SLC22A4: variants seen among roughly 807,000 people sequenced by gnomAD.
SLC22A4 encodes the protein ET transporter.
SLC22A4 carries 39 observed loss-of-function variants against 56.6 expected under a neutral mutation model. The ratio of observed to expected loss-of-function variants is 0.69; its 90% CI spans 0.53 to 0.90. The LOEUF is 0.90. SLC22A4 is among the 40% of genes least tolerant of loss of function. SLC22A4 has a pLI of 0.00. For missense variants in SLC22A4, 594 were observed against 696.5 expected, an observed-to-expected ratio of 0.85 and a Z score of 1.66; for synonymous variants, 241 against 281.4, an observed-to-expected ratio of 0.86 and a Z score of 1.44.
chr5:132,308,441 C>T (rs1308050142), intron 1 of SLC22A4, among the ~76,000 whole-genome samples: 1 of 101,556 alleles, frequency 9.8e-6, no homozygotes, highest in Non-Finnish European at 1.8e-5. Flanking sequence ...GGGCTGGTTG[C>T]TTTATTGCTC....
chr5:132,310,860 G>C (rs1013142313), intron 1 of SLC22A4, among the ~76,000 whole-genome samples: 1 of 152,200 alleles, frequency 6.6e-6, no homozygotes, highest in African/African-American at 2.4e-5. Context: ...TGAGAGCTGA[G>C]CTGCTGGGAT....
chr5:132,332,383 TC>T (rs1554083665), intron 6 of SLC22A4: 2 of 158,036 alleles, frequency 1.3e-5, no homozygotes, highest in Non-Finnish European at 2.8e-5. Flanking sequence ...AGCATTCCCT[TC>T]CCCCTCCTAA....
intron 1 of SLC22A4, among the ~76,000 whole-genome samples, chr5:132,297,396 CAGGGTA>C (rs1380249182): frequency 7.9e-5 from 12 of 152,028 alleles, no homozygotes; most frequent in Admixed American, 7.9e-4. Flanking sequence ...AAGCAAGTAC[CAGGGTA>C]AGCAGGATGG....
At chr5:132,295,276 G>T (rs1056244310) in intron 1 of SLC22A4, 1 of 686,838 alleles carries the variant, frequency 1.5e-6, no homozygotes, top group African/African-American at 1.8e-5. Context: ...CACAACAAAT[G>T]AAGTTTCCTA....
At chr5:132,342,668 TTTGA>T (rs1425983192) in intron 9 of SLC22A4, among the ~76,000 whole-genome samples, 3 of 152,166 alleles carry the variant, frequency 2.0e-5, no homozygotes, top group African/African-American at 2.4e-5. Flanking sequence ...CCTCCTTGGG[TTTGA>T]TTATTTGCTA....
chr5:132,328,903 G>GTGTATATA (rs1180080096), intron 5 of SLC22A4, among the ~76,000 whole-genome samples: 110 of 96,364 alleles, frequency 1.1e-3, no homozygotes, highest in African/African-American at 5.1e-3. Flanking sequence ...GTGTGTATGT[G>GTGTATATA]TATATATATA....
Position 132,308,949 on chromosome 5 carries a change from G to A in SLC22A4, c.394-3212G>A, listed in dbSNP as rs148500756. 7.1e-3 allele frequency among the ~76,000 whole-genome samples: 1,086 copies of A among 152,328 alleles called. 17 individuals carry two copies. Among genetic ancestry groups the A allele is most frequent in the African/African-American group, 0.025 (1,050 of 41,580 alleles). On this transcript the variant is annotated intron_variant, in intron 1 of 9. Transcript: ENST00000200652. ...CATGTGTATGTATGTGTGTGTGCAT[G>A]TATGTACAAACATGTGCAGGGACCC...
intron 6 of SLC22A4, chr5:132,332,243 G>A (rs946945598): frequency 6.8e-6 from 2 of 294,034 alleles, no homozygotes; most frequent in African/African-American, 2.2e-5. Context: ...GAACCCAGGA[G>A]GTGGAGGTTC....
intron 4 of SLC22A4, among the ~76,000 whole-genome samples, chr5:132,323,607 T>C (rs1750603141): frequency 6.6e-6 from 1 of 152,212 alleles, no homozygotes; most frequent in South Asian, 2.1e-4. Flanking sequence ...GAGCAGTGAA[T>C]AAGGGCTGGC....
chr5:132,316,737 C>T (rs958444280), intron 3 of SLC22A4, among the ~76,000 whole-genome samples: 1 of 152,174 alleles, frequency 6.6e-6, no homozygotes, highest in African/African-American at 2.4e-5. Flanking sequence ...ACAACTCTGG[C>T]TACCAGGAAG....
intron 1 of SLC22A4, among the ~76,000 whole-genome samples, chr5:132,305,433 G>A (rs1023791781): frequency 4.6e-5 from 7 of 152,056 alleles, no homozygotes; most frequent in Admixed American, 4.6e-4. Context: ...CCTTTCAGAA[G>A]CTCAACAAAC....
At chr5:132,310,917 T>C (rs1750164324) in intron 1 of SLC22A4, among the ~76,000 whole-genome samples, 1 of 152,196 alleles carries the variant, frequency 6.6e-6, no homozygotes, top group Non-Finnish European at 1.5e-5. Flanking sequence ...GGCAGGCCCG[T>C]GGACAGGATA....
At chr5:132,301,070 G>A (rs1490219582) in intron 1 of SLC22A4, among the ~76,000 whole-genome samples, 3 of 152,360 alleles carry the variant, frequency 2.0e-5, no homozygotes, top group African/African-American at 7.2e-5. Context: ...AGCAGGAAGG[G>A]CAACAAATGC....
At chr5:132,320,604 CCAGGTT>C (rs1178942401) in intron 3 of SLC22A4, among the ~76,000 whole-genome samples, 1 of 152,112 alleles carries the variant, frequency 6.6e-6, no homozygotes, top group Non-Finnish European at 1.5e-5. Flanking sequence ...TTCTATCAGT[CCAGGTT>C]TTTAAATGGC....
intron 1 of SLC22A4, among the ~76,000 whole-genome samples, chr5:132,307,944 G>A (rs183650773): frequency 4.8e-4 from 73 of 152,312 alleles, no homozygotes; most frequent in African/African-American, 1.3e-3. Context: ...AGTGCAATGC[G>A]TGATACTCCT....
At chr5:132,295,871 A>C (rs531004205) in intron 1 of SLC22A4, among the ~76,000 whole-genome samples, 9 of 152,338 alleles carry the variant, frequency 5.9e-5, no homozygotes, top group African/African-American at 1.9e-4. Context: ...CCTCCCAAGA[A>C]AAACCTGAGT....
At chr5:132,308,756 C>T (rs1459647791) in intron 1 of SLC22A4, among the ~76,000 whole-genome samples, 1 of 152,088 alleles carries the variant, frequency 6.6e-6, no homozygotes, top group African/African-American at 2.4e-5. Context: ...GGTCTGGGAC[C>T]CTGCTGATGG....
In SLC22A4 at chr5:132,340,684, A is replaced by G; in HGVS notation, c.1564A>G (p.Met522Val). 1.9e-6 allele frequency: 3 copies of G among 1,614,192 alleles called. No individual in the cohort carries two copies. Among genetic ancestry groups the G allele is most frequent in the Non-Finnish European group, 2.5e-6 (3 of 1,179,988 alleles). The part of the protein sequence containing the change: ...GMTLPETLEQ[M>V]QKVKWFRSGK... ...GACTCTTCCAGAAACCTTAGAGCAG[A>G]TGCAGAAAGTGAAATGGTAAGTAGG... The change falls in exon 9 of 10, where the codon ATG becomes GTG. Residue 522 changes from methionine (M) to valine (V), a missense_variant. Coordinates refer to ENST00000200652, the MANE Select transcript of SLC22A4 (RefSeq NM_003059.3).
intron 5 of SLC22A4, among the ~76,000 whole-genome samples, chr5:132,328,709 T>C (rs1345002266): frequency 6.6e-6 from 1 of 152,078 alleles, no homozygotes; most frequent in Non-Finnish European, 1.5e-5. Context: ...TAGAGTCTAG[T>C]TGTAGGGATC....
Sources: allele counts gnomAD v4.1 joint callset (sites outside exome capture counted in the v4.1 genomes callset), GRCh38; gene constraint gnomAD v4.1.1; transcripts MANE v1.5; gene names NCBI Gene and HGNC (gene_info 2026-07-23, HGNC 2026-07-21).